The following BMPER variants were observed in gnomAD, a reference collection of about 807,000 sequenced individuals.
BMPER encodes BMP binding endothelial regulator.
BMPER carries 45 observed loss-of-function variants against 87.3 expected under a neutral mutation model. The ratio of observed to expected loss-of-function variants is 0.52; its 90% CI spans 0.41 to 0.66. The LOEUF (loss-of-function observed/expected upper bound fraction) is 0.66, where lower values mean the gene tolerates loss of function less well. BMPER is among the 30% of genes least tolerant of loss of function. BMPER has a pLI of 0.00. For missense variants in BMPER, 784 were observed against 867.5 expected (o/e 0.90, Z 1.21); for synonymous variants, 326 against 316.2 (o/e 1.03, Z -0.33).
intron 6 of BMPER, among the ~76,000 whole-genome samples, chr7:33,997,718 T>C (rs1786456306): frequency 6.6e-6 from 1 of 152,202 alleles, no homozygotes; most frequent in African/African-American, 2.4e-5. Flanking sequence ...CTGTTGTTCC[T>C]TGAATGTGTC....
chr7:34,024,208 A>G (rs1787276433), intron 6 of BMPER, among the ~76,000 whole-genome samples: 1 of 150,434 alleles, frequency 6.6e-6, no homozygotes, highest in Non-Finnish European at 1.5e-5. Flanking sequence ...AAATACAAAA[A>G]TTAGCTGGGC....
intron 13 of BMPER, among the ~76,000 whole-genome samples, chr7:34,115,343 T>A (rs1319721781): frequency 6.6e-6 from 1 of 152,230 alleles, no homozygotes; most frequent in Non-Finnish European, 1.5e-5. Flanking sequence ...TATTTAGATA[T>A]AGTTCACACA....
chr7:34,051,793 A>C, intron 7 of BMPER, 68 bp from the exon 8 acceptor site: 1 of 1,329,256 alleles, frequency 7.5e-7, no homozygotes, highest in East Asian at 2.3e-5. Context: ...CTATGATGGA[A>C]TCACCGATGA....
Position 34,079,190 on chromosome 7 carries a change from G to A in BMPER, c.1408+4G>A, listed in dbSNP as rs1285535785. On this transcript the variant is annotated splice_donor_region_variant and intron_variant, in intron 12 of 14. Transcript: ENST00000649409. ...TTGAAAGTGACCACCAAAGCAGGTG[G>A]GGCGTCTGTGGCCTCCCTCTTGCTC... 24 of 1,613,312 alleles carry A rather than the reference G, an allele frequency of 1.5e-5. No homozygotes were observed. In the South Asian group the frequency reaches 2.2e-4, roughly 15 times the overall value.
rs766294174 is a variant in BMPER, at chr7:34,062,018, G to C, written c.1049G>C (p.Arg350Thr). 7 of 1,607,230 alleles carry C rather than the reference G, an allele frequency of 4.4e-6. No homozygotes were observed. Among genetic ancestry groups the C allele is most frequent in the Non-Finnish European group, 5.9e-6 (7 of 1,177,188 alleles). Reference sequence around the variant, plus strand: ...TCTGATTAGGGCAAAATTCTCAACAGAAAAGGATGCTGTCCTATTTGCACT... The same window carrying C: ...TCTGATTAGGGCAAAATTCTCAACACAAAAGGATGCTGTCCTATTTGCACT... ...SSCPQGKILN[R>T]KGCCPICTEK... is the part of the protein sequence containing the mutation. The change falls in exon 11 of 15, where the codon AGA (arginine) becomes ACA (threonine). Residue 350 changes from arginine (R) to threonine (T), a missense_variant. Coordinates refer to ENST00000649409, the MANE Select transcript of BMPER (RefSeq NM_001365308.1).
intron 6 of BMPER, among the ~76,000 whole-genome samples, chr7:34,035,707 C>T (rs942447121): frequency 1.3e-5 from 2 of 152,168 alleles, no homozygotes; most frequent in African/African-American, 4.8e-5. Context: ...TCTGATGTTA[C>T]TCTGGCCTCA....
intron 10 of BMPER, among the ~76,000 whole-genome samples, chr7:34,059,026 A>G (rs4129842): frequency 0.099 from 13,895 of 139,740 alleles, 966 homozygotes; most frequent in African/African-American, 0.23. Context: ...GAGGAAAAAA[A>G]GAAAAAAAAA....
chr7:34,128,032 G>A (rs1358750627), intron 13 of BMPER, among the ~76,000 whole-genome samples: 1 of 152,024 alleles, frequency 6.6e-6, no homozygotes, highest in Non-Finnish European at 1.5e-5. Context: ...TCATAGTTTG[G>A]CATACAAGGA....
intron 11 of BMPER, among the ~76,000 whole-genome samples, chr7:34,065,231 T>C (rs1470872815): frequency 6.6e-6 from 1 of 150,404 alleles, no homozygotes; most frequent in African/African-American, 2.5e-5. Context: ...TCTCTCTCTC[T>C]CTCTCTCTCT....
chr7:34,069,653 G>A (rs1788687898), intron 11 of BMPER, among the ~76,000 whole-genome samples: 1 of 152,138 alleles, frequency 6.6e-6, no homozygotes, highest in African/African-American at 2.4e-5. Context: ...CATTTTGGAG[G>A]TTCACTTCCA....
At chr7:34,119,112 T>C (rs1583457083) in intron 13 of BMPER, among the ~76,000 whole-genome samples, 1 of 151,812 alleles carries the variant, frequency 6.6e-6, no homozygotes, top group South Asian at 2.1e-4. Flanking sequence ...AAGAATTGAA[T>C]AATGCAGTAA....
chr7:34,140,884 A>G (rs1790848073), intron 13 of BMPER, among the ~76,000 whole-genome samples: 1 of 152,152 alleles, frequency 6.6e-6, no homozygotes, highest in Admixed American at 6.5e-5. Context: ...TATATGTGCC[A>G]TCATTTTACC....
At chr7:34,113,038 TATA>T (rs1790022201) in intron 13 of BMPER, among the ~76,000 whole-genome samples, 1 of 151,526 alleles carries the variant, frequency 6.6e-6, no homozygotes, top group African/African-American at 2.4e-5. Flanking sequence ...AAATACAAAA[TATA>T]AATATATATC....
intron 6 of BMPER, chr7:34,043,118 A>G (rs959603493): frequency 2.0e-5 from 3 of 152,204 alleles, no homozygotes; most frequent in Admixed American, 6.5e-5. Flanking sequence ...CTCTCTCTTT[A>G]TGCTGGAGTT....
intron 2 of BMPER, among the ~76,000 whole-genome samples, chr7:33,914,012 A>C (rs10272833): frequency 0.27 from 38,707 of 145,468 alleles, 5,291 homozygotes; most frequent in Admixed American, 0.3. Flanking sequence ...CCCAGGCTGG[A>C]GTGCAGTGGC....
chr7:34,092,902 A>G (rs1454666899), intron 13 of BMPER, among the ~76,000 whole-genome samples: 1 of 152,240 alleles, frequency 6.6e-6, no homozygotes, highest in African/African-American at 2.4e-5. Flanking sequence ...CTTTAAAAAG[A>G]GAAAATATAG....
At chr7:33,970,581 C>T (rs995436554) in intron 5 of BMPER, among the ~76,000 whole-genome samples, 162 bp downstream of exon 5, 1 of 152,156 alleles carries the variant, frequency 6.6e-6, no homozygotes, top group Non-Finnish European at 1.5e-5. Flanking sequence ...GCTTGGCTGC[C>T]TCGGTGTGCC....
intron 2 of BMPER, among the ~76,000 whole-genome samples, chr7:33,932,208 T>C (rs908895441): frequency 2.6e-5 from 4 of 152,200 alleles, no homozygotes; most frequent in Non-Finnish European, 5.9e-5. Context: ...ATTTGTATTT[T>C]GGTGGGGAAT....
chr7:33,969,483 T>G (rs1785483244), intron 4 of BMPER, among the ~76,000 whole-genome samples: 1 of 152,218 alleles, frequency 6.6e-6, no homozygotes, highest in Non-Finnish European at 1.5e-5. Flanking sequence ...CACTGCAAGC[T>G]CCGCCTCCTG....
Sources: allele counts gnomAD v4.1 joint callset (sites outside exome capture counted in the v4.1 genomes callset), GRCh38; gene constraint gnomAD v4.1.1; transcripts MANE v1.5; gene names NCBI Gene and HGNC (gene_info 2026-07-23, HGNC 2026-07-21).